Variants in TG observed in about 807,000 individuals in gnomAD.
TG encodes thyroglobulin.
In TG, 270 loss-of-function variants were observed where a neutral mutation model predicts 324.7. The observed-to-expected ratio is 0.83, with a 90% CI of 0.75 to 0.92. The LOEUF (loss-of-function observed/expected upper bound fraction) is 0.92. Among genes scored for constraint, TG ranks in the 40% least tolerant of loss-of-function variants. The pLI is 0.00. For missense variants in TG, 3,591 were observed against 3,456.4 expected (o/e 1.04, Z -0.98); for synonymous variants, 1,401 against 1,327.0 (o/e 1.06, Z -1.21).
At chr8:133,106,130 G>C (rs1274309251) in intron 43 of TG, among the ~76,000 whole-genome samples, 1 of 152,132 alleles carries the variant, frequency 6.6e-6, no homozygotes, top group Admixed American at 6.5e-5. Context: ...AAGAGCCAGT[G>C]GGGGGGTTTG....
chr8:132,893,066 A>G (rs1156377128), intron 10 of TG, among the ~76,000 whole-genome samples: 3 of 116,284 alleles, frequency 2.6e-5, no homozygotes, highest in Non-Finnish European at 3.5e-5. Context: ...TGGTGTGTGT[A>G]TGTGTGTGGG....
chr8:132,917,901 T>TG (rs1046015404), intron 20 of TG, among the ~76,000 whole-genome samples: 1 of 151,282 alleles, frequency 6.6e-6, no homozygotes, highest in African/African-American at 2.4e-5. Context: ...TTTTTTTTTT[T>TG]TTTTAATTGC....
chr8:133,086,110 C>T (rs771567746), intron 41 of TG, among the ~76,000 whole-genome samples: 1 of 152,198 alleles, frequency 6.6e-6, no homozygotes, highest in Non-Finnish European at 1.5e-5. Flanking sequence ...CAGAAGGCTA[C>T]ATATTCTATG....
intron 43 of TG, chr8:133,102,795 G>A (rs1849429253): frequency 4.0e-6 from 2 of 499,494 alleles, no homozygotes; most frequent in Non-Finnish European, 7.4e-6. Flanking sequence ...CCAAGCACAG[G>A]CATCTCCAAG....
chr8:132,964,720 A>G (rs941117872), intron 29 of TG: 4 of 592,144 alleles, frequency 6.8e-6, no homozygotes, highest in Non-Finnish European at 1.2e-5. Context: ...CTTTCATCCA[A>G]CCAGACATTT....
rs1249844474 is a variant in TG at position 132,882,943 on chromosome 8, A to ACGTC, written c.1021_1022insTCCG (p.Ala341ValfsTer21). ...ACGGAAGGGCCCTGCTGGTGTGTGG[A>ACGTC]CGCCCAGGGGAAGGAAATGCATGGA... On this transcript the variant is annotated frameshift_variant, in exon 8 of 48. Coordinates refer to ENST00000220616, the MANE Select transcript of TG (RefSeq NM_003235.5). LOFTEE classifies it high-confidence loss of function. 6.8e-6 allele frequency: 11 copies of ACGTC among 1,613,996 alleles called. No homozygotes were observed. The highest frequency in any genetic ancestry group is 9.3e-6 in the Non-Finnish European group (11 of 1,180,012).
intron 21 of TG, among the ~76,000 whole-genome samples, chr8:132,922,774 G>A (rs1821289073): frequency 6.6e-6 from 1 of 152,182 alleles, no homozygotes. Flanking sequence ...GAACAAATGA[G>A]CCCCCTTGGG....
At chr8:133,028,988 A>T (rs1369589454) in intron 40 of TG, among the ~76,000 whole-genome samples, 1 of 152,082 alleles carries the variant, frequency 6.6e-6, no homozygotes, top group East Asian at 1.9e-4. Flanking sequence ...TGTAGGTGGT[A>T]ATGAAGGCCA....
Position 132,972,751 on chromosome 8 carries a change from C to T in TG, c.6199+10C>T. On this transcript the variant is annotated intron_variant, in intron 34 of 47. Coordinates refer to ENST00000220616, the MANE Select transcript of TG (RefSeq NM_003235.5). The stretch of plus-strand genomic sequence containing the variant: ...TGGTACCAGAAGCCCAGTAAGTACC[C>T]TTCTCATGACAGCTATATGGACGTC... 2 of 1,613,964 alleles carry T rather than the reference C, an allele frequency of 1.2e-6. No individual in the cohort carries two copies. The highest frequency in any genetic ancestry group is 1.7e-6 in the Non-Finnish European group (2 of 1,179,942).
intron 47 of TG, among the ~76,000 whole-genome samples, chr8:133,133,866 A>G (rs1852142265): frequency 6.6e-6 from 1 of 152,204 alleles, no homozygotes; most frequent in Non-Finnish European, 1.5e-5. Flanking sequence ...TGGAAGGAAA[A>G]GAAAGAGAGG....
At chr8:133,119,553 G>C (rs1483592721) in intron 45 of TG, among the ~76,000 whole-genome samples, 2 of 152,102 alleles carry the variant, frequency 1.3e-5, no homozygotes, top group Non-Finnish European at 2.9e-5. Context: ...CATGGCAAAG[G>C]GGACAAACAT....
intron 45 of TG, among the ~76,000 whole-genome samples, chr8:133,126,726 A>G (rs1008258684): frequency 1.3e-5 from 2 of 152,064 alleles, no homozygotes; most frequent in African/African-American, 2.4e-5. Flanking sequence ...TGCATATTAG[A>G]TTTGCCCAAA....
intron 12 of TG, 130 bp from the exon 13 acceptor site, chr8:132,898,039 G>A (rs1301394405): frequency 1.1e-5 from 11 of 973,540 alleles, no homozygotes; most frequent in Non-Finnish European, 1.8e-5. Context: ...TCCGGCTGGG[G>A]GTCTAGACTG....
At chr8:133,106,939 C>G (rs954522200) in intron 43 of TG, among the ~76,000 whole-genome samples, 13 of 152,210 alleles carry the variant, frequency 8.5e-5, no homozygotes, top group African/African-American at 3.1e-4. Flanking sequence ...CAGCAAGGGC[C>G]TGCAGCCATG....
At chr8:133,030,065 G>A (rs777133771) in intron 41 of TG, 42 bp downstream of exon 41, 9 of 1,611,342 alleles carry the variant, frequency 5.6e-6, no homozygotes, top group African/African-American at 4.0e-5. Context: ...CTGCAGATGC[G>A]GCTGGGGGAG....
At chr8:132,900,389 C>T (rs1006712571) in intron 15 of TG, 50 bp downstream of exon 15, 1 of 1,536,604 alleles carries the variant, frequency 6.5e-7, no homozygotes, top group African/African-American at 1.4e-5. Context: ...CTGTGGGGCA[C>T]TGAGCGTGGA....
chr8:132,872,938 C>G (rs115301667), intron 4 of TG, 124 bp from the exon 5 acceptor site: 2 of 1,078,594 alleles, frequency 1.9e-6, no homozygotes, highest in African/African-American at 1.6e-5. Context: ...ACAATGAAAC[C>G]GCCGAACGAT....
intron 41 of TG, among the ~76,000 whole-genome samples, chr8:133,053,296 C>T (rs1840767704): frequency 6.6e-6 from 1 of 152,212 alleles, no homozygotes; most frequent in African/African-American, 2.4e-5. Flanking sequence ...GCCCATCTGT[C>T]CCCACCCCCG....
intron 40 of TG, among the ~76,000 whole-genome samples, 161 bp from the exon 41 acceptor site, chr8:133,029,660 C>G (rs953266881): frequency 1.3e-5 from 2 of 152,268 alleles, no homozygotes; most frequent in Non-Finnish European, 2.9e-5. Flanking sequence ...TGCTCCTCCA[C>G]TGTTCCTCAC....
Sources: allele counts gnomAD v4.1 joint callset (sites outside exome capture counted in the v4.1 genomes callset), GRCh38; gene constraint gnomAD v4.1.1; transcripts MANE v1.5; gene names NCBI Gene and HGNC (gene_info 2026-07-23, HGNC 2026-07-21).